PDE3B: variants seen among roughly 807,000 people sequenced by gnomAD.
PDE3B encodes phosphodiesterase 3B.
Under a neutral mutation model 116.8 loss-of-function variants are expected in PDE3B, and 66 were observed. The observed-to-expected ratio is 0.56, with a 90% confidence interval of 0.46 to 0.69. The LOEUF is 0.69. PDE3B is among the 30% of genes least tolerant of loss of function. The pLI is 0.00. For synonymous variants in PDE3B, 595 were observed against 533.6 expected (o/e 1.12, Z -1.59); for missense variants, 1,384 against 1,368.1 (o/e 1.01, Z -0.18).
chr11:14,759,250 C>T (rs1857284438), intron 1 of PDE3B, among the ~76,000 whole-genome samples: 1 of 152,054 alleles, frequency 6.6e-6, no homozygotes, highest in Non-Finnish European at 1.5e-5. Context: ...TGTGTCTCTG[C>T]CCGGCTTTGG....
At chr11:14,690,827 T>C (rs1003168855) in intron 1 of PDE3B, among the ~76,000 whole-genome samples, 1 of 152,046 alleles carries the variant, frequency 6.6e-6, no homozygotes, top group African/African-American at 2.4e-5. Flanking sequence ...GAGTATGAAT[T>C]TGGGAGTGGG....
In PDE3B at chr11:14,643,886, C is replaced by G; in HGVS notation, c.-190C>G. Reference sequence around the variant, plus strand: ...AGCCCCTTCCGCCCCTCTCCTCAGCCAGCATGTCCCGGACTCCGCCGCTCC... The same window carrying G: ...AGCCCCTTCCGCCCCTCTCCTCAGCGAGCATGTCCCGGACTCCGCCGCTCC... On this transcript the variant is annotated 5_prime_UTR_variant, in exon 1 of 16. Transcript: ENST00000282096. The G allele has an allele frequency of 8.9e-6, 7 of 789,900 alleles. No individual in the cohort carries two copies. Among genetic ancestry groups the G allele is most frequent in the Non-Finnish European group, 1.3e-5 (7 of 551,962 alleles). The allele number at this position is 789,900 out of a possible 1,614,324, so 48.9% of individuals were successfully genotyped here.
Position 14,821,189 on chromosome 11 carries a change from C to T in PDE3B, c.1807+1980C>T, listed in dbSNP as rs562605373. Among the ~76,000 whole-genome samples, 4 of 152,178 alleles carry T rather than the reference C, an allele frequency of 2.6e-5. No individual in the cohort carries two copies. The East Asian group carries it at 5.8e-4, about 22-fold the overall frequency. On this transcript the variant is annotated intron_variant, in intron 7 of 15. Transcript: ENST00000282096. ...TATTGACCAGTCCATCTAAATATGA[C>T]CCCTCCATGGGCTTCTTCAGTTTGT...
At chr11:14,807,520 G>T (rs1858978482) in intron 5 of PDE3B, among the ~76,000 whole-genome samples, 1 of 151,974 alleles carries the variant, frequency 6.6e-6, no homozygotes, top group South Asian at 2.1e-4. Flanking sequence ...AGCTTATAAG[G>T]AGGTAAAATG....
chr11:14,849,477 A>G (rs1485642474), intron 12 of PDE3B, among the ~76,000 whole-genome samples: 3 of 152,232 alleles, frequency 2.0e-5, no homozygotes, highest in African/African-American at 7.2e-5. Flanking sequence ...AAAAGCCAAA[A>G]TTGACAAATG....
chr11:14,844,082 TGTGTATCCCTTTATAAATCATTCA>T, intron 12 of PDE3B, 56 bp downstream of exon 12: 1 of 1,254,578 alleles, frequency 8.0e-7, no homozygotes, highest in South Asian at 1.2e-5. Flanking sequence ...TCAGTCATGC[TGTGTATCCCTTTATAAATCATTCA>T]GTTGAATCAT....
chr11:14,786,887 G>A (rs1388316846), intron 3 of PDE3B, among the ~76,000 whole-genome samples: 1 of 151,902 alleles, frequency 6.6e-6, no homozygotes, highest in Non-Finnish European at 1.5e-5. Context: ...ACATTGCTGT[G>A]ATTAGCACTT....
intron 11 of PDE3B, among the ~76,000 whole-genome samples, chr11:14,838,136 T>C (rs1860116406): frequency 1.3e-5 from 2 of 151,914 alleles, no homozygotes; most frequent in South Asian, 4.2e-4. Context: ...CCTGCCACCA[T>C]GGCCGGCTAA....
In PDE3B at chr11:14,859,205, C is replaced by T; in HGVS notation, c.2683C>T (p.Leu895Phe). The stretch of plus-strand genomic sequence containing the variant: ...CATTGAAGCAATCCTTGCTACGGAT[C>T]TTAAAAAGCATTTTGATTTTCTCGC... The part of the protein sequence containing the change: ...LVIEAILATD[L>F]KKHFDFLAEF... The change falls in exon 13 of 16, where the codon CTT becomes TTT. Residue 895 changes from leucine to phenylalanine, a missense_variant. Coordinates refer to ENST00000282096, the MANE Select transcript of PDE3B (RefSeq NM_000922.4). The T allele has an allele frequency of 6.2e-7, 1 of 1,612,300 alleles. No individual in the cohort carries two copies. Among genetic ancestry groups the T allele is most frequent in the Non-Finnish European group, 8.5e-7 (1 of 1,179,354 alleles).
intron 9 of PDE3B, among the ~76,000 whole-genome samples, chr11:14,832,217 A>C (rs1293391662): frequency 6.6e-6 from 1 of 152,186 alleles, no homozygotes; most frequent in Non-Finnish European, 1.5e-5. Flanking sequence ...GTTATACCTG[A>C]TGGGTCCGCA....
intron 10 of PDE3B, 56 bp from the exon 11 acceptor site, chr11:14,834,926 G>C: frequency 2.3e-6 from 2 of 887,752 alleles, no homozygotes; most frequent in East Asian, 5.0e-5. Context: ...GGAAATTATT[G>C]TACTTTTTAA....
chr11:14,884,123 C>T, the PDE3B span, among the ~76,000 whole-genome samples: 10 of 152,068 alleles, frequency 6.6e-5, no homozygotes, highest in South Asian at 8.3e-4. Flanking sequence ...GTCAGTGTGG[C>T]GATTCCTCAG....
chr11:14,715,927 C>T (rs999800519), intron 1 of PDE3B, among the ~76,000 whole-genome samples: 6 of 152,118 alleles, frequency 3.9e-5, no homozygotes, highest in African/African-American at 1.4e-4. Context: ...CCAAGATGGC[C>T]GAATAGGAAC....
intron 1 of PDE3B, among the ~76,000 whole-genome samples, chr11:14,742,139 T>G (rs916960141): frequency 6.6e-6 from 1 of 151,652 alleles, no homozygotes; most frequent in Admixed American, 6.6e-5. Context: ...TTGGCCTGCC[T>G]TATTAGGTTC....
At chr11:14,760,007 C>T (rs949942343) in intron 1 of PDE3B, among the ~76,000 whole-genome samples, 2 of 151,856 alleles carry the variant, frequency 1.3e-5, no homozygotes, top group Non-Finnish European at 2.9e-5. Flanking sequence ...AAGAGACTTA[C>T]ATAATAGAGA....
At chr11:14,835,438 A>T (rs28523396) in intron 11 of PDE3B, among the ~76,000 whole-genome samples, 3,101 of 147,592 alleles carry the variant, frequency 0.021, 103 homozygotes, top group African/African-American at 0.075. Context: ...TTGTTTTTTT[A>T]AAAAAAATTT....
intron 1 of PDE3B, among the ~76,000 whole-genome samples, chr11:14,678,090 G>A (rs1854588101): frequency 6.6e-6 from 1 of 152,006 alleles, no homozygotes; most frequent in Admixed American, 6.6e-5. Context: ...CACCACGCCT[G>A]GCTGATTTTT....
At chr11:14,732,140 G>T (rs1032561942) in intron 1 of PDE3B, among the ~76,000 whole-genome samples, 1 of 152,142 alleles carries the variant, frequency 6.6e-6, no homozygotes, top group African/African-American at 2.4e-5. Context: ...AAAGTCCAAG[G>T]CCCTGAGAAT....
the PDE3B span, among the ~76,000 whole-genome samples, chr11:14,878,516 G>A: frequency 3.3e-5 from 5 of 152,070 alleles, no homozygotes; most frequent in African/African-American, 1.2e-4. Context: ...ACGGACTTTT[G>A]TAAGACTTTA....
Sources: allele counts gnomAD v4.1 joint callset (sites outside exome capture counted in the v4.1 genomes callset), GRCh38; gene constraint gnomAD v4.1.1; transcripts MANE v1.5; gene names NCBI Gene and HGNC (gene_info 2026-07-23, HGNC 2026-07-21).